GLG1: variants seen among roughly 807,000 people sequenced by gnomAD.
GLG1 encodes the protein golgi glycoprotein 1.
A neutral mutation model predicts 160.5 loss-of-function variants in GLG1; 38 were observed. The ratio of observed to expected loss-of-function variants is 0.24; its 90% CI spans 0.18 to 0.31. GLG1 has a LOEUF of 0.31. Ranked by LOEUF, GLG1 falls within the 10% of genes least tolerant of loss-of-function variation. GLG1 has a pLI of 1.00. For missense variants in GLG1, 1,373 were observed against 1,505.2 expected, an observed-to-expected ratio of 0.91 and a Z score of 1.45; for synonymous variants, 644 against 543.4, an observed-to-expected ratio of 1.19 and a Z score of -2.57.
chr16:74,494,183 A>AAAAAC (rs1440775651), intron 6 of GLG1, among the ~76,000 whole-genome samples: 6 of 144,100 alleles, frequency 4.2e-5, no homozygotes, highest in Non-Finnish European at 7.7e-5. Context: ...AAAAAAAAAC[A>AAAAAC]AAAACAAAAC....
chr16:74,500,151 G>A (rs182144181), intron 4 of GLG1, among the ~76,000 whole-genome samples: 446 of 152,226 alleles, frequency 2.9e-3, no homozygotes, highest in Non-Finnish European at 4.6e-3. Context: ...GTTTATAACT[G>A]AAAGGCATAT....
chr16:74,605,721 C>T (rs1229456236), intron 1 of GLG1, among the ~76,000 whole-genome samples: 2 of 152,006 alleles, frequency 1.3e-5, no homozygotes, highest in African/African-American at 4.8e-5. Context: ...GCTTGAACGC[C>T]TTAAACAAAT....
chr16:74,538,940 T>C (rs1373391067), intron 1 of GLG1, among the ~76,000 whole-genome samples: 1 of 151,658 alleles, frequency 6.6e-6, no homozygotes, highest in Admixed American at 6.6e-5. Context: ...ACATTTGAAT[T>C]AAGTCTTATA....
intron 1 of GLG1, among the ~76,000 whole-genome samples, chr16:74,551,496 T>C (rs2143698563): frequency 6.6e-6 from 1 of 151,008 alleles, no homozygotes; most frequent in African/African-American, 2.4e-5. Flanking sequence ...TTTTAATTTT[T>C]AGTAGAGACG....
At chr16:74,506,029 TAAAAAA>T (rs59306961) in intron 3 of GLG1, among the ~76,000 whole-genome samples, 6 of 92,494 alleles carry the variant, frequency 6.5e-5, no homozygotes, top group Admixed American at 1.5e-4. Flanking sequence ...GACTCCATCT[TAAAAAA>T]AAAAAAAAAA....
intron 1 of GLG1, among the ~76,000 whole-genome samples, chr16:74,542,719 A>AGGGAGGGAGGGAGGG (rs1567513862): frequency 1.7e-4 from 5 of 29,018 alleles, no homozygotes; most frequent in Admixed American, 8.7e-4. Context: ...GGAAGAAGGG[A>AGGGAGGGAGGGAGGG]AGGAAGGAAG....
In GLG1 at chr16:74,498,448, G is replaced by GTGTATATATATATA. The variant is rs1491436581; in HGVS notation, c.775-1805_775-1804insTATATATATATACA. 6.3e-3 allele frequency among the ~76,000 whole-genome samples: 152 copies of GTGTATATATATATA among 24,020 alleles called. 13 individuals are homozygous for GTGTATATATATATA. Among genetic ancestry groups the GTGTATATATATATA allele is most frequent in the Middle Eastern group, 0.083 (2 of 24 alleles). The allele number at this position is 24,020 out of a possible 152,430, so 15.8% of individuals were successfully genotyped here. A position where few individuals can be genotyped will look rare whatever the true frequency, so the allele number is the denominator to read the frequency against. On this transcript the variant is annotated intron_variant, in intron 4 of 25. Coordinates refer to ENST00000422840, the MANE Select transcript of GLG1 (RefSeq NM_001145667.2). ...GGCTCTGTCTCAAAAAAAAAAAAAA[G>GTGTATATATATATA]TATATATATATATATATATTATATT...
At chr16:74,518,207 T>C (rs536611461) in intron 2 of GLG1, among the ~76,000 whole-genome samples, 1 of 152,264 alleles carries the variant, frequency 6.6e-6, no homozygotes, top group African/African-American at 2.4e-5. Context: ...GACTTTAAAC[T>C]TCATATGGAG....
chr16:74,602,769 T>A (rs1958470790), intron 1 of GLG1, among the ~76,000 whole-genome samples: 1 of 129,286 alleles, frequency 7.7e-6, no homozygotes, highest in Admixed American at 7.8e-5. Context: ...GGTGACAGAG[T>A]GAGACTCTGT....
chr16:74,562,907 G>C (rs2018547894), intron 1 of GLG1, among the ~76,000 whole-genome samples: 1 of 152,164 alleles, frequency 6.6e-6, no homozygotes, highest in Non-Finnish European at 1.5e-5. Context: ...GCAAAACTCT[G>C]GGGCCTCAAA....
chr16:74,490,947 G>T, intron 8 of GLG1, 54 bp downstream of exon 8: 2 of 1,238,142 alleles, frequency 1.6e-6, no homozygotes, highest in Non-Finnish European at 2.4e-6. Context: ...TCAGGAAGAG[G>T]CTCTTCAGCT....
chr16:74,524,874 C>G (rs997784046), intron 2 of GLG1, among the ~76,000 whole-genome samples: 6 of 152,216 alleles, frequency 3.9e-5, no homozygotes, highest in African/African-American at 9.6e-5. Flanking sequence ...CCATTCCCCA[C>G]TTCTCTGAGT....
At chr16:74,460,332 T>C (rs1212568874) in intron 22 of GLG1, among the ~76,000 whole-genome samples, 3 of 152,188 alleles carry the variant, frequency 2.0e-5, no homozygotes, top group African/African-American at 7.2e-5. Flanking sequence ...GATTTTTGTA[T>C]TTCTAGTAGA....
intron 4 of GLG1, among the ~76,000 whole-genome samples, chr16:74,498,448 GTATATA>G (rs61033032): frequency 8.3e-5 from 2 of 24,054 alleles, no homozygotes; most frequent in Non-Finnish European, 1.5e-4. Flanking sequence ...AAAAAAAAAA[GTATATA>G]TATATATATA....
rs1175817945 is a variant in GLG1, at chr16:74,473,540, C to T, written c.2052+1006G>A. Among the ~76,000 whole-genome samples the T allele has an allele frequency of 3.4e-5, 5 of 146,744 alleles. No individual in the cohort carries two copies. In the East Asian group the frequency reaches 8.3e-4, roughly 24 times the overall value. On this transcript the variant is annotated intron_variant, in intron 13 of 25. Transcript: ENST00000422840. ...CTGGAAGCTCCGCCTCCCGGGTTCA[C>T]GCCACTCTCCTGCCTCAGCCTCCCG...
intron 1 of GLG1, among the ~76,000 whole-genome samples, chr16:74,576,747 A>G (rs2019015064): frequency 6.6e-6 from 1 of 152,218 alleles, no homozygotes; most frequent in Non-Finnish European, 1.5e-5. Flanking sequence ...TGCTAAACAA[A>G]AAAATAATGA....
intron 1 of GLG1, 111 bp downstream of exon 1, chr16:74,606,546 G>A: frequency 3.3e-6 from 3 of 896,134 alleles, no homozygotes; most frequent in Non-Finnish European, 3.5e-6. Context: ...AGCGAGTGCA[G>A]CACAGAGGAA....
At chr16:74,528,970 CTT>C (rs368741358) in intron 2 of GLG1, among the ~76,000 whole-genome samples, 6 of 139,184 alleles carry the variant, frequency 4.3e-5, no homozygotes, top group Admixed American at 7.2e-5. Flanking sequence ...TTCTGTCTGC[CTT>C]TTTTTTTTTT....
chr16:74,514,939 G>A (rs1273988772), intron 2 of GLG1, among the ~76,000 whole-genome samples: 3 of 151,800 alleles, frequency 2.0e-5, no homozygotes, highest in Non-Finnish European at 4.4e-5. Context: ...AAGGGATGAA[G>A]GAAGATCTAC....
Sources: allele counts gnomAD v4.1 joint callset (sites outside exome capture counted in the v4.1 genomes callset), GRCh38; gene constraint gnomAD v4.1.1; transcripts MANE v1.5; gene names NCBI Gene and HGNC (gene_info 2026-07-23, HGNC 2026-07-21).